The following AGPAT3 variants were observed in gnomAD, a reference collection of about 807,000 sequenced individuals.
The protein encoded by AGPAT3 is 1-acyl-sn-glycerol-3-phosphate acyltransferase gamma.
In AGPAT3, 5 loss-of-function variants were observed where a neutral mutation model predicts 47.3. The ratio of observed to expected loss-of-function variants is 0.11; its 90% CI spans 0.06 to 0.22. The LOEUF is 0.22. AGPAT3 is among the 10% of genes least tolerant of loss of function. AGPAT3 has a pLI of 1.00. For missense variants in AGPAT3, 315 were observed against 493.0 expected, an observed-to-expected ratio of 0.64 and a Z score of 3.42; for synonymous variants, 212 against 208.3, an observed-to-expected ratio of 1.02 and a Z score of -0.15.
Position 43,892,061 on chromosome 21 carries a change from C to G in AGPAT3, c.-111-11896C>G, listed in dbSNP as rs1037565265. The stretch of plus-strand genomic sequence containing the variant: ...GTGGCTCACACCTCTAATCCCAGCA[C>G]TTTGTGAGGCTGAGGTGGGTGGATC... On this transcript the variant is annotated intron_variant, in intron 1 of 9. Transcript: ENST00000291572. Among the ~76,000 whole-genome samples the G allele has an allele frequency of 7.2e-5, 11 of 152,238 alleles. No homozygotes were observed. The South Asian group carries it at 2.1e-3, about 29-fold the overall frequency.
At chr21:43,967,380 C>A (rs2089179082) in intron 3 of AGPAT3, 1 of 152,874 alleles carries the variant, frequency 6.5e-6, no homozygotes, top group Admixed American at 6.5e-5. Context: ...GCAGCAAGCC[C>A]CGTCGAGCAC....
chr21:43,944,277 C>T (rs920965263), intron 2 of AGPAT3, among the ~76,000 whole-genome samples: 15 of 152,276 alleles, frequency 9.9e-5, no homozygotes, highest in Non-Finnish European at 1.2e-4. Flanking sequence ...TCCAGGAGGC[C>T]GCTGAGTGGT....
chr21:43,881,501 G>A (rs2085852796), intron 1 of AGPAT3, among the ~76,000 whole-genome samples: 1 of 152,204 alleles, frequency 6.6e-6, no homozygotes, highest in African/African-American at 2.4e-5. Flanking sequence ...TGGAAACATG[G>A]CTGGTGGGAA....
Position 43,888,032 on chromosome 21 carries a change from G to A in AGPAT3, c.-111-15925G>A, listed in dbSNP as rs116212346. Among the ~76,000 whole-genome samples the A allele has an allele frequency of 4.5e-3, 686 of 152,306 alleles. 4 individuals carry two copies. Among genetic ancestry groups the A allele is most frequent in the African/African-American group, 0.016 (661 of 41,566 alleles). ...TTTAAAAAGTTGGAGAAAACATCGT[G>A]TTTTAGTTTTTTGTTTGTTTATTTT... On this transcript the variant is annotated intron_variant, in intron 1 of 9. Transcript: ENST00000291572.
intron 2 of AGPAT3, among the ~76,000 whole-genome samples, chr21:43,946,616 G>A (rs894391617): frequency 4.6e-5 from 7 of 150,896 alleles, no homozygotes; most frequent in Non-Finnish European, 8.9e-5. Context: ...AAAAAAAAAA[G>A]TGCATGAGAC....
chr21:43,945,962 G>C lies in AGPAT3; in HGVS notation c.-48-13672G>C, dbSNP rs1221281671. 2.6e-5 allele frequency among the ~76,000 whole-genome samples: 4 copies of C among 152,058 alleles called. No homozygotes were observed. The East Asian group carries it at 5.8e-4, about 22-fold the overall frequency. ...CACGAGGAGAAGCCAGCAGGAGGGT[G>C]GTGGGCCCTCCACCTTGTCCCCGCA... On this transcript the variant is annotated intron_variant, in intron 2 of 9. Transcript: ENST00000291572.
At chr21:43,925,496 C>G (rs562137890) in intron 2 of AGPAT3, 1 of 152,558 alleles carries the variant, frequency 6.6e-6, no homozygotes, top group South Asian at 2.1e-4. Context: ...TCTTTCTTCC[C>G]TGGCTGACTT....
At position 43,880,581 on chromosome 21, in the gene AGPAT3, C is replaced by G. The variant is rs1174120640; in HGVS notation, c.-112+15236C>G. On this transcript the variant is annotated intron_variant, in intron 1 of 9. Transcript: ENST00000291572. The surrounding 1 kb of genome is among the most constrained non-coding windows in gnomAD (Gnocchi z 4.5). ...GCTACCCTTTTCCCAGTGGTATTGC[C>G]ACTGAGTGTGGGATGGGTCACAGCT... Among the ~76,000 whole-genome samples the G allele has an allele frequency of 6.6e-6, 1 of 152,156 alleles. No individual in the cohort carries two copies. Among genetic ancestry groups the G allele is most frequent in the Non-Finnish European group, 1.5e-5 (1 of 68,028 alleles).
Position 43,880,143 on chromosome 21 carries a change from GCCTTTTGCACCCATGAAAT to G in AGPAT3, c.-112+14799_-112+14817del, listed in dbSNP as rs1450902869. ...TGAGCTTCGACATCAGTTGGCACTG[GCCTTTTGCACCCATGAAAT>G]TGATGTTTGTCTGTGGCCTCCCAGG... On this transcript the variant is annotated intron_variant, in intron 1 of 9. Transcript: ENST00000291572. This position sits in a 1 kb window ranked among gnomAD's most constrained non-coding sequence, Gnocchi z 4.5. 6.6e-6 allele frequency among the ~76,000 whole-genome samples: 1 copy of G among 152,236 alleles called. No homozygotes were observed. Among genetic ancestry groups the G allele is most frequent in the African/African-American group, 2.4e-5 (1 of 41,474 alleles).
intron 2 of AGPAT3, among the ~76,000 whole-genome samples, chr21:43,941,708 C>T (rs928530560): frequency 1.6e-4 from 24 of 152,224 alleles, no homozygotes; most frequent in Non-Finnish European, 1.5e-4. Context: ...GCGAGTGTGA[C>T]GGGGGCCATG....
intron 2 of AGPAT3, among the ~76,000 whole-genome samples, chr21:43,941,960 C>T (rs937367440): frequency 1.3e-5 from 2 of 152,280 alleles, no homozygotes; most frequent in Non-Finnish European, 2.9e-5. Context: ...TGCCAAGCCT[C>T]TCAGCTTCAG....
At position 43,932,479 on chromosome 21, in the gene AGPAT3, G is replaced by A. The variant is rs1407333340; in HGVS notation, c.-48-27155G>A. ...TGGCTGAATAATAACACGGCGTTAC[G>A]CACCGCACGCTCGCTATCCATTCGT... is the stretch of plus-strand genomic sequence containing the variant. On this transcript the variant is annotated intron_variant, in intron 2 of 9. Transcript: ENST00000291572. This position sits in a 1 kb window ranked among gnomAD's most constrained non-coding sequence, Gnocchi z 5.2. Among the ~76,000 whole-genome samples, 3 of 152,294 alleles carry A rather than the reference G, an allele frequency of 2.0e-5. 1 individual carries two copies. The highest frequency in any genetic ancestry group is 1.3e-4 in the Admixed American group (2 of 15,294).
chr21:43,881,857 A>G (rs1269030135), intron 1 of AGPAT3, among the ~76,000 whole-genome samples: 1 of 152,144 alleles, frequency 6.6e-6, no homozygotes, highest in East Asian at 1.9e-4. Context: ...GGGTTTCATC[A>G]TATTGGTCAG....
intron 7 of AGPAT3, among the ~76,000 whole-genome samples, chr21:43,975,684 C>T (rs906253752): frequency 1.3e-5 from 2 of 152,202 alleles, no homozygotes; most frequent in Non-Finnish European, 2.9e-5. Context: ...TGCGGTTGCC[C>T]GTGGACAGCA....
At chr21:43,883,667 C>T (rs1020409229) in intron 1 of AGPAT3, among the ~76,000 whole-genome samples, 1 of 152,204 alleles carries the variant, frequency 6.6e-6, no homozygotes, top group Non-Finnish European at 1.5e-5. Context: ...AATCTCGGCT[C>T]ACTGCAGCCT....
At chr21:43,976,429 G>A (rs902053658) in intron 7 of AGPAT3, among the ~76,000 whole-genome samples, 1 of 152,116 alleles carries the variant, frequency 6.6e-6, no homozygotes, top group Non-Finnish European at 1.5e-5. Flanking sequence ...TGAACTCCTG[G>A]CCTCGTGGTC....
intron 7 of AGPAT3, among the ~76,000 whole-genome samples, chr21:43,974,435 G>A (rs2146842786): frequency 6.6e-6 from 1 of 151,408 alleles, no homozygotes; most frequent in East Asian, 1.9e-4. Flanking sequence ...GTGTTGAACT[G>A]TGTGTGGTAT....
chr21:43,885,866 A>G (rs2085964644), intron 1 of AGPAT3, among the ~76,000 whole-genome samples: 5 of 152,164 alleles, frequency 3.3e-5, no homozygotes, highest in Admixed American at 2.6e-4. Context: ...GGGTGAGGGC[A>G]CCGTGGCTCA....
intron 2 of AGPAT3, among the ~76,000 whole-genome samples, chr21:43,906,305 C>T (rs1382149573): frequency 6.6e-6 from 1 of 152,108 alleles, no homozygotes; most frequent in African/African-American, 2.4e-5. Context: ...CAAAACTAAG[C>T]AGACGGTGTG....
Sources: gnomAD v4.1 joint callset for allele counts (sites outside exome capture counted in the v4.1 genomes callset) on GRCh38, gnomAD v4.1.1 for gene constraint, Gnocchi (gnomAD v3.1) non-coding constraint, MANE v1.5 for transcripts, NCBI Gene and HGNC (gene_info 2026-07-23, HGNC 2026-07-21) for gene names.